Variants in PDE5A observed in about 807,000 individuals in gnomAD.
The protein encoded by PDE5A is phosphodiesterase 5A, also known as cGMP-specific 3',5'-cyclic phosphodiesterase.
PDE5A carries 67 observed loss-of-function variants against 110.2 expected under a neutral mutation model. The observed-to-expected ratio is 0.61, with a 90% confidence interval of 0.50 to 0.75. The LOEUF is 0.75. PDE5A is among the 30% of genes least tolerant of loss of function. The probability of loss-of-function intolerance (pLI) is 0.00; values close to 1 mark genes in which losing one functional copy is unlikely to be tolerated. For synonymous variants in PDE5A, 328 were observed against 351.2 expected, an observed-to-expected ratio of 0.93 and a Z score of 0.74; for missense variants, 862 against 1,045.1, an observed-to-expected ratio of 0.82 and a Z score of 2.42.
intron 3 of PDE5A, among the ~76,000 whole-genome samples, chr4:119,572,931 A>G (rs1728192906): frequency 6.6e-6 from 1 of 152,204 alleles, no homozygotes. Context: ...CTCCTACCAT[A>G]GTCAACCTTC....
intron 11 of PDE5A, among the ~76,000 whole-genome samples, chr4:119,531,709 C>A (rs951948540): frequency 3.3e-5 from 5 of 152,050 alleles, no homozygotes; most frequent in Non-Finnish European, 7.4e-5. Flanking sequence ...TTCCCTCCCC[C>A]ACCTATTGCC....
chr4:119,563,338 A>C (rs959587031), intron 5 of PDE5A, among the ~76,000 whole-genome samples: 1 of 152,218 alleles, frequency 6.6e-6, no homozygotes, highest in Non-Finnish European at 1.5e-5. Context: ...TCTGGTACAT[A>C]AAACGCACTG....
intron 14 of PDE5A, among the ~76,000 whole-genome samples, chr4:119,514,474 A>C: frequency 8.0e-6 from 1 of 124,466 alleles, no homozygotes; most frequent in Non-Finnish European, 1.7e-5. Flanking sequence ...TCTTCTCCCA[A>C]TCAACCTTTT....
Position 119,627,083 on chromosome 4 carries a change from G to A in PDE5A, c.152+1437C>T. The A allele has an allele frequency of 6.3e-7, 1 of 1,597,880 alleles. No individual in the cohort carries two copies. The highest frequency in any genetic ancestry group is 1.1e-5 in the South Asian group (1 of 89,182). On this transcript the variant is annotated intron_variant, in intron 1 of 20. Coordinates refer to ENST00000354960, the MANE Select transcript of PDE5A (RefSeq NM_001083.4). The surrounding 1 kb of genome is among the most constrained non-coding windows in gnomAD (Gnocchi z 4.6). ...GGTGCCACCGGGGCGCCACCACCCA[G>A]CACCCGAGACCCGCCGCGCCCCCGG...
intron 5 of PDE5A, among the ~76,000 whole-genome samples, chr4:119,564,849 T>C (rs1188859801): frequency 6.6e-6 from 1 of 152,024 alleles, no homozygotes; most frequent in South Asian, 2.1e-4. Context: ...ATGTGGGCAA[T>C]TGTAAAAGAA....
chr4:119,590,017 A>G (rs961223780), intron 3 of PDE5A, among the ~76,000 whole-genome samples: 1 of 152,190 alleles, frequency 6.6e-6, no homozygotes, highest in Non-Finnish European at 1.5e-5. Flanking sequence ...AGCAGAGTGC[A>G]GCCATCATCC....
intron 12 of PDE5A, among the ~76,000 whole-genome samples, chr4:119,523,965 T>TA (rs1172414379): frequency 6.6e-6 from 1 of 152,040 alleles, no homozygotes; most frequent in Non-Finnish European, 1.5e-5. Flanking sequence ...CATCAATAGA[T>TA]ACGGCTTTAA....
At chr4:119,606,679 C>G (rs901723652) in intron 2 of PDE5A, 30 bp downstream of exon 2, 2 of 1,545,640 alleles carry the variant, frequency 1.3e-6, no homozygotes, top group Non-Finnish European at 1.8e-6. Context: ...CTCCCCAGCA[C>G]TGGTCCTGCT....
intron 1 of PDE5A, among the ~76,000 whole-genome samples, chr4:119,612,989 T>C (rs908350387): frequency 2.0e-5 from 3 of 152,210 alleles, no homozygotes; most frequent in African/African-American, 7.2e-5. Flanking sequence ...GATAATGACA[T>C]AGCAGATACT....
rs751157780 is a variant in PDE5A at position 119,628,604 on chromosome 4, T to C, written c.68A>G (p.Gln23Arg). The change falls in exon 1 of 21, where the codon CAG becomes CGG. Residue 23 changes from glutamine to arginine, a missense_variant. Transcript: ENST00000354960. ...TTCGACCGAGTCCTGATCCCTCTGC[T>C]GCTGCTTCTGCTGCTGGGGCTGCTG... ...QQQQPQQQKQ[Q>R]QRDQDSVEAW... is the part of the protein sequence containing the mutation. The C allele has an allele frequency of 6.2e-7, 1 of 1,613,932 alleles. No individual in the cohort carries two copies. The highest frequency in any genetic ancestry group is 1.1e-5 in the South Asian group (1 of 91,046).
intron 1 of PDE5A, among the ~76,000 whole-genome samples, chr4:119,623,962 C>T (rs1255490313): frequency 1.3e-5 from 2 of 152,112 alleles, no homozygotes; most frequent in South Asian, 2.1e-4. Context: ...ACTTTGAAAA[C>T]ACTAGAGATA....
intron 3 of PDE5A, among the ~76,000 whole-genome samples, chr4:119,571,769 T>C (rs372177276): frequency 6.6e-5 from 10 of 152,328 alleles, no homozygotes; most frequent in East Asian, 5.8e-4. Context: ...CTCACCTCAT[T>C]TTATCTCTTC....
intron 17 of PDE5A, among the ~76,000 whole-genome samples, chr4:119,505,294 T>C (rs1398327139): frequency 2.0e-5 from 3 of 152,066 alleles, no homozygotes; most frequent in African/African-American, 7.2e-5. Flanking sequence ...GTTATCCACT[T>C]ATCTCTCTCT....
intron 3 of PDE5A, among the ~76,000 whole-genome samples, chr4:119,588,420 AC>A (rs1170245980): frequency 6.7e-6 from 1 of 149,186 alleles, no homozygotes; most frequent in Admixed American, 6.7e-5. Flanking sequence ...CGAGTGATCC[AC>A]CCCCCTTAGC....
At chr4:119,615,504 G>C (rs560587452) in intron 1 of PDE5A, among the ~76,000 whole-genome samples, 1 of 151,798 alleles carries the variant, frequency 6.6e-6, no homozygotes, top group Non-Finnish European at 1.5e-5. Context: ...CAGGTTGAGG[G>C]GCCCTAACTG....
intron 3 of PDE5A, chr4:119,569,872 T>C (rs934298467): frequency 3.3e-5 from 5 of 152,480 alleles, no homozygotes; most frequent in Admixed American, 2.6e-4. Flanking sequence ...TATGAGAGGA[T>C]GTGCATAGGT....
chr4:119,597,640 A>G (rs1167509401), intron 2 of PDE5A, among the ~76,000 whole-genome samples: 3 of 152,094 alleles, frequency 2.0e-5, no homozygotes, highest in Non-Finnish European at 4.4e-5. Flanking sequence ...TCCAAAAACT[A>G]CGCAGTTGGA....
chr4:119,568,798 G>A (rs944783267), intron 3 of PDE5A, among the ~76,000 whole-genome samples: 2 of 152,248 alleles, frequency 1.3e-5, no homozygotes, highest in Admixed American at 6.5e-5. Context: ...ATTATGCAAA[G>A]TTTCTGATAA....
chr4:119,578,461 AAC>A lies in PDE5A; in HGVS notation c.832-11319_832-11318del, dbSNP rs1316333683. ...TATACTACAAGGCTACAGTAACCAA[AAC>A]AGCATGGTACTGGTACCAAAATAGA... On this transcript the variant is annotated intron_variant, in intron 3 of 20. Transcript: ENST00000354960. Among the ~76,000 whole-genome samples, 3 of 152,198 alleles carry A rather than the reference AAC, an allele frequency of 2.0e-5. No homozygotes were observed. In the South Asian group the frequency reaches 6.2e-4, roughly 32 times the overall value.
Sources: allele counts gnomAD v4.1 joint callset (sites outside exome capture counted in the v4.1 genomes callset), GRCh38; gene constraint gnomAD v4.1.1; non-coding constraint Gnocchi (gnomAD v3.1); transcripts MANE v1.5; gene names NCBI Gene and HGNC (gene_info 2026-07-23, HGNC 2026-07-21).